The following ZNF534 variants were observed in gnomAD, a reference collection of about 807,000 sequenced individuals.
ZNF534 encodes zinc finger protein 534.
ZNF534 carries 19 observed loss-of-function variants against 13.6 expected under a neutral mutation model. The ratio of observed to expected loss-of-function variants is 1.40; its 90% confidence interval spans 0.97 to 2.05. The LOEUF (loss-of-function observed/expected upper bound fraction) is 2.05. Among genes scored for constraint, ZNF534 ranks in the 30% most tolerant of loss-of-function variants. The pLI, the probability that ZNF534 is intolerant of heterozygous loss-of-function variation, is 0.00. For missense variants in ZNF534, 782 were observed against 796.3 expected (o/e 0.98, Z 0.22); for synonymous variants, 244 against 273.8 (o/e 0.89, Z 1.07).
At chr19:52,450,333 T>C (rs1277141910) in intron 4 of ZNF534, among the ~76,000 whole-genome samples, 2 of 152,178 alleles carry the variant, frequency 1.3e-5, no homozygotes, top group African/African-American at 4.8e-5. Flanking sequence ...ACCATTCTGA[T>C]TTTATTTTTG....
chr19:52,434,778 C>A (rs1328219873), intron 3 of ZNF534, among the ~76,000 whole-genome samples: 1 of 151,648 alleles, frequency 6.6e-6, no homozygotes, highest in Admixed American at 6.6e-5. Flanking sequence ...AGATATTCTG[C>A]TTCCTTCATG....
At chr19:52,429,919 T>C (rs2059075799) in intron 1 of ZNF534, among the ~76,000 whole-genome samples, 2 of 151,826 alleles carry the variant, frequency 1.3e-5, no homozygotes, top group Non-Finnish European at 2.9e-5. Flanking sequence ...TGAGATCCAC[T>C]TTTATGGTAT....
downstream of ZNF534, among the ~76,000 whole-genome samples, chr19:52,445,300 G>T (rs1054222089): frequency 4.6e-5 from 7 of 151,800 alleles, no homozygotes; most frequent in Non-Finnish European, 1.0e-4. Context: ...GTGCTCAAGC[G>T]ATTCTCCTGC....
rs2059111100 is a variant in ZNF534, at chr19:52,434,035, A to G, written c.96A>G (p.Leu32=). The G allele has an allele frequency of 6.2e-7, 1 of 1,614,176 alleles. No homozygotes were observed. ...WKCLDPGQKA[L]YRDVMLENYR... is the part of the protein sequence containing the mutation. Reference sequence around the variant, plus strand: ...GCCTGGACCCTGGGCAGAAAGCTTTATACAGGGACGTGATGTTAGAGAACT... The same window carrying G: ...GCCTGGACCCTGGGCAGAAAGCTTTGTACAGGGACGTGATGTTAGAGAACT... The change falls in exon 3 of 5, where the codon TTA becomes TTG. Residue 32 remains leucine, a synonymous_variant. Transcript: ENST00000433050.
intron 4 of ZNF534, among the ~76,000 whole-genome samples, chr19:52,448,345 C>T (rs1286232431): frequency 2.0e-5 from 3 of 152,022 alleles, no homozygotes; most frequent in African/African-American, 7.3e-5. Flanking sequence ...TTGCAGTGAG[C>T]CAAGATCACA....
intron 4 of ZNF534, among the ~76,000 whole-genome samples, chr19:52,435,927 TTTC>T (rs201515776): frequency 1.7e-5 from 2 of 119,124 alleles, no homozygotes; most frequent in East Asian, 4.5e-4. Context: ...TTTTCTTATT[TTTC>T]TTCTTCTTCT....
chr19:52,430,373 G>A (rs2059079248), intron 1 of ZNF534, among the ~76,000 whole-genome samples: 1 of 152,120 alleles, frequency 6.6e-6, no homozygotes, highest in Non-Finnish European at 1.5e-5. Flanking sequence ...TCTTTAAGGG[G>A]AATTAATAGG....
intron 1 of ZNF534, among the ~76,000 whole-genome samples, chr19:52,429,712 G>A (rs898431281): frequency 2.0e-5 from 3 of 151,274 alleles, no homozygotes; most frequent in Non-Finnish European, 2.9e-5. Flanking sequence ...TCTCCCGCCT[G>A]GGCCTCCCGA....
At chr19:52,446,640 T>C (rs889280910), downstream of ZNF534, among the ~76,000 whole-genome samples, 3 of 152,146 alleles carry the variant, frequency 2.0e-5, no homozygotes, top group Non-Finnish European at 4.4e-5. Context: ...GGAGAATCAT[T>C]TGAGCTCAGG....
chr19:52,451,932 G>T, exon 5 of ZNF534: 1 of 438,126 alleles, frequency 2.3e-6, no homozygotes, highest in South Asian at 2.5e-5. Flanking sequence ...TGGCTCTACC[G>T]GAAAGAATTA....
rs988514098 is a variant in ZNF534, at chr19:52,429,664, C to T, written c.-68+420C>T. 2.7e-5 allele frequency among the ~76,000 whole-genome samples: 4 copies of T among 149,548 alleles called. No individual in the cohort carries two copies. The South Asian group carries it at 8.5e-4, about 32-fold the overall frequency. ...AGGCTGGAGTGCAATGGCGTGATCT[C>T]GGCTCACTGCAAACTCCGCCTCCCG... On this transcript the variant is annotated intron_variant, in intron 1 of 4. Coordinates refer to ENST00000433050, the MANE Select transcript of ZNF534 (RefSeq NM_001143938.3).
chr19:52,444,667 C>G (rs1373212008), downstream of ZNF534, among the ~76,000 whole-genome samples: 1 of 151,778 alleles, frequency 6.6e-6, no homozygotes, highest in Non-Finnish European at 1.5e-5. Flanking sequence ...CTTGGCAGGT[C>G]TTGGTACTGC....
In ZNF534 at chr19:52,438,357, A is replaced by C. The variant is rs1210010741; in HGVS notation, c.897A>C (p.Lys299Asn). 1 of 1,613,348 alleles carries C rather than the reference A, an allele frequency of 6.2e-7. No homozygotes were observed. Among genetic ancestry groups the C allele is most frequent in the Non-Finnish European group, 8.5e-7 (1 of 1,179,440 alleles). ...RKIHTGEKPY[K>N]CSECGKAFSV... ...TTCATACTGGAGAGAAGCCTTACAA[A>C]TGTAGTGAATGTGGCAAAGCATTTA... Residue 299 changes from lysine to asparagine, a missense_variant, in exon 5 of 5, where the codon AAA becomes AAC. Transcript: ENST00000433050.
At chr19:52,445,738 GGAGC>G (rs2059192496), downstream of ZNF534, among the ~76,000 whole-genome samples, 4 of 13,346 alleles carry the variant, frequency 3.0e-4, 1 homozygote, top group Admixed American at 8.3e-4. Flanking sequence ...CAGTCATTCT[GGAGC>G]AAAAATTCAT....
chr19:52,433,884 T>C (rs746167027), intron 2 of ZNF534, 71 bp from the exon 3 acceptor site: 1 of 1,585,262 alleles, frequency 6.3e-7, no homozygotes, highest in South Asian at 1.1e-5. Context: ...TCCTTACAAC[T>C]GTCTTCTCAT....
At chr19:52,434,239 T>C (rs564421024) in intron 3 of ZNF534, 158 bp downstream of exon 3, 196 of 1,067,692 alleles carry the variant, frequency 1.8e-4, no homozygotes, top group Non-Finnish European at 1.0e-4. Flanking sequence ...CTCACGCCTG[T>C]AATCCCAGCA....
At chr19:52,432,687 C>T (rs966171047) in intron 2 of ZNF534, among the ~76,000 whole-genome samples, 2 of 146,082 alleles carry the variant, frequency 1.4e-5, no homozygotes, top group African/African-American at 5.3e-5. Flanking sequence ...GGCTGGAGTG[C>T]AATGATGCAA....
rs2059213113 is a variant in ZNF534, at chr19:52,451,160, T to C, written c.272-27T>C. The stretch of plus-strand genomic sequence containing the variant: ...TTGTGTAACCTTTCCACTTCTTTCA[T>C]CACTGTTTATAATTTTCTACCCATA... On this transcript the variant is annotated intron_variant, in intron 4 of 4. Transcript: ENST00000301085. 3 of 641,872 alleles carry C rather than the reference T, an allele frequency of 4.7e-6. No homozygotes were observed. In the African/African-American group the frequency reaches 5.6e-5, roughly 12 times the overall value. 39.8% of individuals were successfully genotyped at this position (641,872 alleles called of 1,614,324 possible).
chr19:52,449,354 TTCTCTC>T (rs112933256), intron 4 of ZNF534, among the ~76,000 whole-genome samples: 2 of 146,606 alleles, frequency 1.4e-5, no homozygotes, highest in East Asian at 2.0e-4. Flanking sequence ...TCCATCCTCA[TTCTCTC>T]TCTCTCTCTC....
Sources: allele counts gnomAD v4.1 joint callset (sites outside exome capture counted in the v4.1 genomes callset), GRCh38; gene constraint gnomAD v4.1.1; transcripts MANE v1.5; gene names NCBI Gene and HGNC (gene_info 2026-07-23, HGNC 2026-07-21).